The following DNAJC6 variants were observed in gnomAD, a reference collection of about 807,000 sequenced individuals.
The protein encoded by DNAJC6 is DnaJ heat shock protein family (Hsp40) member C6, also known as auxilin.
DNAJC6 carries 34 observed loss-of-function variants against 110.0 expected under a neutral mutation model. That is an observed-to-expected ratio of 0.31 (90% CI 0.24 to 0.41). DNAJC6 has a LOEUF of 0.41. Ranked by LOEUF, DNAJC6 falls within the 10% of genes least tolerant of loss-of-function variation. The pLI is 1.00. For synonymous variants in DNAJC6, 406 were observed against 437.2 expected (o/e 0.93, Z 0.89); for missense variants, 1,031 against 1,207.8 (o/e 0.85, Z 2.17).
At chr1:65,400,859 G>A (rs573631427) in intron 14 of DNAJC6, among the ~76,000 whole-genome samples, 31 of 152,312 alleles carry the variant, frequency 2.0e-4, no homozygotes, top group African/African-American at 7.2e-4. Flanking sequence ...TAGCAGGATT[G>A]ATAAATCATA....
rs145814445 is a variant in DNAJC6 at position 65,385,935 on chromosome 1, T to G, written c.995+29T>G. On this transcript the variant is annotated intron_variant, in intron 7 of 18. Transcript: ENST00000371069. ...AGTCATGATACTTTACTTCTTCCTA[T>G]GTACTTCTCAATTCTCATGTAAATG... 9,499 of 1,542,460 alleles carry G rather than the reference T, an allele frequency of 6.2e-3. 41 individuals are homozygous for G. The highest frequency in any genetic ancestry group is 7.0e-3 in the Non-Finnish European group (7,975 of 1,131,644).
At chr1:65,321,433 GA>G (rs1557520607) in intron 1 of DNAJC6, among the ~76,000 whole-genome samples, 1 of 111,346 alleles carries the variant, frequency 9.0e-6, no homozygotes, top group Admixed American at 9.6e-5. Context: ...AGACCTCAAG[GA>G]ATCCTCCTGC....
intron 11 of DNAJC6, among the ~76,000 whole-genome samples, chr1:65,390,289 TA>T (rs1048012913): frequency 4.6e-5 from 7 of 152,314 alleles, no homozygotes; most frequent in African/African-American, 1.7e-4. Flanking sequence ...CTAAATATTA[TA>T]AAAATATCAA....
chr1:65,309,518 C>T, upstream of DNAJC6: 9 of 1,161,990 alleles, frequency 7.7e-6, no homozygotes, highest in Non-Finnish European at 9.6e-6. Flanking sequence ...CGTCTCCTTC[C>T]CTCCCTCCCT....
chr1:65,388,962 T>G (rs568082791), intron 9 of DNAJC6, among the ~76,000 whole-genome samples: 7 of 152,326 alleles, frequency 4.6e-5, no homozygotes, highest in Non-Finnish European at 7.4e-5. Context: ...GTGGGCCTAT[T>G]GCACTATTTT....
At position 65,267,059 on chromosome 1, in the gene DNAJC6, G is replaced by A. The variant is rs1653358342; in HGVS notation, c.-131+2127G>A. 1.3e-5 allele frequency among the ~76,000 whole-genome samples: 2 copies of A among 152,064 alleles called. 1 individual carries two copies. The highest frequency in any genetic ancestry group is 4.2e-4 in the South Asian group (2 of 4,812). On this transcript the variant is annotated intron_variant, in intron 1 of 19. Coordinates refer to the DNAJC6 transcript ENST00000263441. ...TTACAGGCCCATGCCACCACGCCCGGTTAATTTTTGTATTTTTAGTAGAGA... is the reference window on the plus strand; with the variant it reads ...TTACAGGCCCATGCCACCACGCCCGATTAATTTTTGTATTTTTAGTAGAGA...
chr1:65,283,922 C>T (rs777321779), intron 1 of DNAJC6, among the ~76,000 whole-genome samples: 3 of 152,152 alleles, frequency 2.0e-5, no homozygotes, highest in Non-Finnish European at 4.4e-5. Context: ...TTGAACTCAG[C>T]TTCCCAACTC....
At chr1:65,320,860 T>C (rs1645191591) in intron 1 of DNAJC6, among the ~76,000 whole-genome samples, 1 of 152,166 alleles carries the variant, frequency 6.6e-6, no homozygotes, top group Non-Finnish European at 1.5e-5. Flanking sequence ...TCTGAGGAGA[T>C]AATGTTTGAG....
chr1:65,334,698 CTAAG>C (rs920041362), intron 1 of DNAJC6, among the ~76,000 whole-genome samples: 1 of 152,116 alleles, frequency 6.6e-6, no homozygotes, highest in African/African-American at 2.4e-5. Context: ...GAGTAAGATA[CTAAG>C]TAAGGAGTAG....
chr1:65,402,749 C>G (rs1298838596), intron 15 of DNAJC6, among the ~76,000 whole-genome samples: 1 of 152,184 alleles, frequency 6.6e-6, no homozygotes, highest in Non-Finnish European at 1.5e-5. Context: ...CCGTTGTTGT[C>G]TGTAACTAGT....
chr1:65,388,465 G>A, intron 9 of DNAJC6, 50 bp downstream of exon 9: 1 of 1,548,124 alleles, frequency 6.5e-7, no homozygotes. Flanking sequence ...TAGCTGTGAA[G>A]TGCTGAGGCT....
intron 1 of DNAJC6, among the ~76,000 whole-genome samples, chr1:65,310,432 G>A (rs1045231904): frequency 6.6e-6 from 1 of 152,178 alleles, no homozygotes; most frequent in African/African-American, 2.4e-5. Flanking sequence ...ATTCTGTAAA[G>A]CTCTGCCACA....
chr1:65,296,895 A>G (rs901975562), intron 1 of DNAJC6, among the ~76,000 whole-genome samples: 1 of 152,044 alleles, frequency 6.6e-6, no homozygotes, highest in African/African-American at 2.4e-5. Context: ...CTCATTCAGC[A>G]CATCTTTATC....
intron 4 of DNAJC6, among the ~76,000 whole-genome samples, chr1:65,379,033 C>A (rs1645793002): frequency 6.6e-6 from 1 of 152,138 alleles, no homozygotes; most frequent in African/African-American, 2.4e-5. Context: ...AGAGATGGTG[C>A]AGGACTTATA....
chr1:65,280,538 A>G (rs1425915057), intron 1 of DNAJC6, among the ~76,000 whole-genome samples: 1 of 152,214 alleles, frequency 6.6e-6, no homozygotes, highest in Non-Finnish European at 1.5e-5. Context: ...TAAACAAATG[A>G]TGTAGTGGAC....
At chr1:65,372,226 G>A (rs1038826841) in intron 4 of DNAJC6, among the ~76,000 whole-genome samples, 14 of 150,130 alleles carry the variant, frequency 9.3e-5, no homozygotes, top group Admixed American at 6.0e-4. Context: ...ATATTGCTGG[G>A]GAAATAAATT....
chr1:65,347,733 GCA>G (rs1011694099), intron 1 of DNAJC6, among the ~76,000 whole-genome samples: 21 of 151,262 alleles, frequency 1.4e-4, no homozygotes, highest in Admixed American at 7.9e-4. Flanking sequence ...ACATGCATGT[GCA>G]CACACACACA....
At chr1:65,380,249 C>G (rs1645804472) in intron 5 of DNAJC6, among the ~76,000 whole-genome samples, 2 of 152,134 alleles carry the variant, frequency 1.3e-5, no homozygotes, top group Admixed American at 1.3e-4. Context: ...GTACTGCAGG[C>G]ATAAAAGGCT....
intron 1 of DNAJC6, among the ~76,000 whole-genome samples, chr1:65,271,117 T>G (rs1018754984): frequency 3.9e-5 from 6 of 152,104 alleles, no homozygotes; most frequent in Non-Finnish European, 7.3e-5. Context: ...TATTATTTTT[T>G]CATTTTTATT....
Sources: gnomAD v4.1 joint callset for allele counts (sites outside exome capture counted in the v4.1 genomes callset) on GRCh38, gnomAD v4.1.1 for gene constraint, MANE v1.5 for transcripts, NCBI Gene and HGNC (gene_info 2026-07-23, HGNC 2026-07-21) for gene names.